Variants in ADAMTS18 observed in about 807,000 individuals in gnomAD.
ADAMTS18 encodes A disintegrin and metalloproteinase with thrombospondin motifs 18.
ADAMTS18 carries 157 observed loss-of-function variants against 165.9 expected under a neutral mutation model. That is an observed-to-expected ratio of 0.95 (90% confidence interval 0.83 to 1.08). ADAMTS18 has a LOEUF of 1.08. ADAMTS18 is among the 50% of genes least tolerant of loss of function. The pLI is 0.00. For synonymous variants in ADAMTS18, 782 were observed against 578.2 expected, an observed-to-expected ratio of 1.35 and a Z score of -5.06; for missense variants, 2,040 against 1,534.0, an observed-to-expected ratio of 1.33 and a Z score of -5.51.
intron 3 of ADAMTS18, among the ~76,000 whole-genome samples, chr16:77,428,896 T>C (rs1012019178): frequency 7.2e-5 from 11 of 152,314 alleles, no homozygotes; most frequent in Admixed American, 6.5e-4. Context: ...ACTCAACAAC[T>C]TTATTCTTAG....
intron 20 of ADAMTS18, 22 bp from the exon 21 acceptor site, chr16:77,291,500 G>C (rs1190116702): frequency 6.2e-7 from 1 of 1,611,236 alleles, no homozygotes. Context: ...GACAGGATGT[G>C]TAAAAGTGAA....
At chr16:77,376,478 C>G (rs139621170) in intron 3 of ADAMTS18, among the ~76,000 whole-genome samples, 2 of 152,122 alleles carry the variant, frequency 1.3e-5, no homozygotes, top group African/African-American at 4.8e-5. Flanking sequence ...AAGAGCTGCC[C>G]CAACTCTCCA....
intron 22 of ADAMTS18, among the ~76,000 whole-genome samples, chr16:77,288,316 C>T (rs2055294463): frequency 6.6e-6 from 1 of 152,010 alleles, no homozygotes; most frequent in South Asian, 2.1e-4. Flanking sequence ...TCTGGAAGAA[C>T]ATGACCGCTT....
In ADAMTS18 at chr16:77,319,977, C is replaced by G. The variant is rs544641967; in HGVS notation, c.2404G>C (p.Gly802Arg). 7 of 1,614,116 alleles carry G rather than the reference C, an allele frequency of 4.3e-6. No individual in the cohort carries two copies. The East Asian group carries it at 1.1e-4, about 26-fold the overall frequency. ...RSLSQKYYLT[G>R]GWSIDWPGEF... ...CCAGGCCAGTCGATGCTCCAGCCCC[C>G]GGTGAGGTAATACTTTTGACTGAGG... The change falls in exon 16 of 23, where the codon GGG (glycine) becomes CGG (arginine). Residue 802 changes from glycine to arginine, a missense_variant. By Grantham distance (125) the Gly-to-Arg change is moderately radical. Transcript: ENST00000282849.
intron 10 of ADAMTS18, among the ~76,000 whole-genome samples, chr16:77,346,314 G>A (rs2056475982): frequency 6.6e-6 from 1 of 152,088 alleles, no homozygotes; most frequent in African/African-American, 2.4e-5. Flanking sequence ...ACAGAACTGT[G>A]TTTTCTCTCT....
chr16:77,402,904 A>C (rs2057349090), intron 3 of ADAMTS18, among the ~76,000 whole-genome samples: 1 of 152,300 alleles, frequency 6.6e-6, no homozygotes, highest in East Asian at 1.9e-4. Context: ...AAATGCCCCA[A>C]ATGTCACTGA....
intron 3 of ADAMTS18, among the ~76,000 whole-genome samples, chr16:77,404,517 A>G (rs1329900989): frequency 6.6e-6 from 1 of 152,202 alleles, no homozygotes; most frequent in African/African-American, 2.4e-5. Context: ...AAAATTTACT[A>G]TGGGGCTAAA....
chr16:77,317,160 A>AT, intron 16 of ADAMTS18, among the ~76,000 whole-genome samples: 1 of 152,168 alleles, frequency 6.6e-6, no homozygotes. Flanking sequence ...CAATCTGTAC[A>AT]TCTGCCTTCA....
intron 4 of ADAMTS18, among the ~76,000 whole-genome samples, chr16:77,365,463 A>G (rs1403016913): frequency 6.6e-6 from 1 of 152,372 alleles, no homozygotes; most frequent in East Asian, 1.9e-4. Context: ...AGCACTCAGT[A>G]AGAACTCTTT....
At position 77,398,352 on chromosome 16, in the gene ADAMTS18, T is replaced by C. The variant is rs112493175; in HGVS notation, c.496-30629A>G. On this transcript the variant is annotated intron_variant, in intron 3 of 22. Coordinates refer to ENST00000282849, the MANE Select transcript of ADAMTS18 (RefSeq NM_199355.4). ...ACAACAACAACAACAACAACAAAAA[T>C]AAATAAAGAGAGAAAGAGAAAGAGA... 4.7e-3 allele frequency among the ~76,000 whole-genome samples: 669 copies of C among 142,000 alleles called. 8 individuals are homozygous for C. The highest frequency in any genetic ancestry group is 0.016 in the African/African-American group (646 of 39,826). 93.2% of individuals were successfully genotyped at this position (142,000 alleles called of 152,430 possible). A position where few individuals can be genotyped will look rare whatever the true frequency, so the allele number is the denominator to read the frequency against.
chr16:77,288,439 C>G (rs2055297615), intron 22 of ADAMTS18, among the ~76,000 whole-genome samples: 1 of 151,664 alleles, frequency 6.6e-6, no homozygotes, highest in Admixed American at 6.6e-5. Flanking sequence ...TAGCACGAGG[C>G]AAGCAGATTA....
chr16:77,285,361 T>G (rs78160953), intron 22 of ADAMTS18, among the ~76,000 whole-genome samples: 1 of 151,710 alleles, frequency 6.6e-6, no homozygotes, highest in Non-Finnish European at 1.5e-5. Flanking sequence ...TTAGTAGAGA[T>G]GGGGTTTCAC....
intron 17 of ADAMTS18, 102 bp from the exon 18 acceptor site, chr16:77,297,517 C>G (rs2055497506): frequency 7.9e-7 from 1 of 1,260,612 alleles, no homozygotes; most frequent in East Asian, 2.4e-5. Flanking sequence ...TATTTTATTT[C>G]AGATATGGAA....
chr16:77,398,222 C>T (rs2057283189), intron 3 of ADAMTS18, among the ~76,000 whole-genome samples: 1 of 151,954 alleles, frequency 6.6e-6, no homozygotes, highest in Admixed American at 6.6e-5. Context: ...GAGCCTGAGG[C>T]AGAAGAATCA....
chr16:77,397,876 C>A (rs2057278582), intron 3 of ADAMTS18, among the ~76,000 whole-genome samples: 1 of 152,178 alleles, frequency 6.6e-6, no homozygotes, highest in Non-Finnish European at 1.5e-5. Flanking sequence ...AGCCTCCTGT[C>A]CCTGTCTGCC....
intron 16 of ADAMTS18, among the ~76,000 whole-genome samples, chr16:77,304,021 C>T (rs1301620886): frequency 2.0e-5 from 3 of 152,096 alleles, no homozygotes; most frequent in African/African-American, 7.2e-5. Flanking sequence ...CAGAGCAACA[C>T]TCCATCTCAA....
At chr16:77,293,331 C>G (rs753068602) in intron 19 of ADAMTS18, 73 bp from the exon 20 acceptor site, 11 of 1,067,110 alleles carry the variant, frequency 1.0e-5, no homozygotes, top group Non-Finnish European at 1.6e-5. Flanking sequence ...AAAAACAACA[C>G]ACTAAATATA....
At position 77,282,893 on chromosome 16, in the gene ADAMTS18, CCTTT is replaced by C. The variant is rs139591380; in HGVS notation, c.*1059_*1062del. 5.7e-3 allele frequency: 730 copies of C among 128,092 alleles called. 37 individuals carry two copies. Among genetic ancestry groups the C allele is most frequent in the Middle Eastern group, 0.012 (3 of 242 alleles). The allele number at this position is 128,092 out of a possible 1,614,324, so 7.9% of individuals were successfully genotyped here. On this transcript the variant is annotated 3_prime_UTR_variant, in exon 23 of 23. Coordinates refer to ENST00000282849, the MANE Select transcript of ADAMTS18 (RefSeq NM_199355.4). ...GATTTTTTTATTACCACTGTTTACT[CCTTT>C]CTTTCTCTCTTTTTTTTTTTTTTTT... is the stretch of plus-strand genomic sequence containing the variant.
chr16:77,365,798 G>T, intron 4 of ADAMTS18, among the ~76,000 whole-genome samples: 1 of 152,220 alleles, frequency 6.6e-6, no homozygotes, highest in East Asian at 1.9e-4. Flanking sequence ...GCTCCCTACA[G>T]AGTAAAATTA....
Sources: gnomAD v4.1 joint callset for allele counts (sites outside exome capture counted in the v4.1 genomes callset) on GRCh38, gnomAD v4.1.1 for gene constraint, MANE v1.5 for transcripts, NCBI Gene and HGNC (gene_info 2026-07-23, HGNC 2026-07-21) for gene names.